Variants in POU6F2 observed in about 807,000 individuals in gnomAD.
The protein encoded by POU6F2 is POU domain, class 6, transcription factor 2.
A neutral mutation model predicts 71.3 loss-of-function variants in POU6F2; 31 were observed. The ratio of observed to expected loss-of-function variants is 0.43; its 90% CI spans 0.33 to 0.59. The LOEUF (loss-of-function observed/expected upper bound fraction) is 0.59. POU6F2 is among the 20% of genes least tolerant of loss of function. The probability of loss-of-function intolerance (pLI) is 0.04; values close to 1 mark genes in which losing one functional copy is unlikely to be tolerated. For missense variants in POU6F2, 783 were observed against 856.8 expected, an observed-to-expected ratio of 0.91 and a Z score of 1.07; for synonymous variants, 347 against 355.7, an observed-to-expected ratio of 0.98 and a Z score of 0.27.
At position 39,460,722 on chromosome 7, in the gene POU6F2, C is replaced by T. The variant is rs369272246; in HGVS notation, c.1658+7C>T. ...GCCAGTCGGCCATCTGCAGGTAACG[C>T]GCGCCTGCATGCTGTCACCTCTTCT... On this transcript the variant is annotated splice_region_variant and intron_variant, in intron 9 of 9. Coordinates refer to ENST00000518318, the MANE Select transcript of POU6F2 (RefSeq NM_001370959.1). This position sits in a 1 kb window ranked among gnomAD's most constrained non-coding sequence, Gnocchi z 4.4. 1.4e-4 allele frequency: 223 copies of T among 1,583,980 alleles called. No individual in the cohort carries two copies. The African/African-American group carries it at 2.7e-3, about 19-fold the overall frequency.
At chr7:39,071,824 A>G (rs1790887389) in intron 1 of POU6F2, among the ~76,000 whole-genome samples, 1 of 152,200 alleles carries the variant, frequency 6.6e-6, no homozygotes, top group Non-Finnish European at 1.5e-5. Flanking sequence ...CTATTTTTAT[A>G]TCAAAATTTG....
intron 5 of POU6F2, among the ~76,000 whole-genome samples, chr7:39,344,038 C>G (rs1420632535): frequency 6.6e-6 from 1 of 152,132 alleles, no homozygotes; most frequent in Non-Finnish European, 1.5e-5. Flanking sequence ...CTCAGAGAGT[C>G]ACTGCTATAA....
chr7:39,149,728 A>AGCC (rs952690604), intron 2 of POU6F2, among the ~76,000 whole-genome samples: 3 of 152,036 alleles, frequency 2.0e-5, no homozygotes, highest in Non-Finnish European at 4.4e-5. Context: ...TGTGTATTTG[A>AGCC]GCCCTTTATA....
chr7:39,269,076 T>G (rs1183399692), intron 4 of POU6F2, among the ~76,000 whole-genome samples: 1 of 152,222 alleles, frequency 6.6e-6, no homozygotes, highest in Non-Finnish European at 1.5e-5. Context: ...TTTTATTTCT[T>G]TTTTGTTATA....
intron 5 of POU6F2, among the ~76,000 whole-genome samples, chr7:39,372,611 A>G (rs1425912874): frequency 6.6e-6 from 1 of 152,178 alleles, no homozygotes; most frequent in African/African-American, 2.4e-5. Flanking sequence ...TATTCAGTCT[A>G]CCAACTTAAA....
At chr7:39,136,841 G>T (rs1378238005) in intron 2 of POU6F2, among the ~76,000 whole-genome samples, 1 of 149,240 alleles carries the variant, frequency 6.7e-6, no homozygotes, top group East Asian at 2.0e-4. Context: ...AAAAAAAAAA[G>T]CCAGGTGTGG....
chr7:39,109,828 T>G (rs1259007757), intron 2 of POU6F2, among the ~76,000 whole-genome samples: 3 of 152,204 alleles, frequency 2.0e-5, no homozygotes, highest in Non-Finnish European at 1.5e-5. Context: ...GTCTGGTAGA[T>G]CGAAGTAGCT....
intron 2 of POU6F2, among the ~76,000 whole-genome samples, chr7:39,189,831 A>G (rs1228956003): frequency 6.6e-6 from 1 of 152,130 alleles, no homozygotes; most frequent in East Asian, 1.9e-4. Flanking sequence ...CTCTTTCCAA[A>G]ATCACTGAAT....
At chr7:39,181,765 C>G (rs1793440343) in intron 2 of POU6F2, among the ~76,000 whole-genome samples, 1 of 152,164 alleles carries the variant, frequency 6.6e-6, no homozygotes, top group African/African-American at 2.4e-5. Context: ...GTCCTTCATT[C>G]CTTAGAAAAT....
chr7:39,090,122 A>G (rs1037989598), intron 2 of POU6F2, among the ~76,000 whole-genome samples: 1 of 152,044 alleles, frequency 6.6e-6, no homozygotes, highest in African/African-American at 2.4e-5. Context: ...ATTGCATGCA[A>G]TGATACTTGT....
intron 8 of POU6F2, among the ~76,000 whole-genome samples, chr7:39,456,655 G>A (rs780059638): frequency 4.6e-5 from 7 of 152,142 alleles, no homozygotes; most frequent in Non-Finnish European, 7.4e-5. Flanking sequence ...AACCCATGGA[G>A]CAAAACGGTA....
chr7:39,059,260 A>G (rs1163691615), intron 1 of POU6F2, among the ~76,000 whole-genome samples: 2 of 152,142 alleles, frequency 1.3e-5, no homozygotes, highest in Non-Finnish European at 2.9e-5. Context: ...TAATTAGGAA[A>G]GGAAAGTAAT....
At chr7:39,266,773 A>ATC (rs147655938) in intron 4 of POU6F2, among the ~76,000 whole-genome samples, 163 of 147,440 alleles carry the variant, frequency 1.1e-3, no homozygotes, top group Non-Finnish European at 2.2e-3. Flanking sequence ...TTTGATATAT[A>ATC]TATGTTGTAT....
intron 4 of POU6F2, among the ~76,000 whole-genome samples, chr7:39,232,067 T>C (rs902922080): frequency 6.6e-6 from 1 of 152,220 alleles, no homozygotes; most frequent in Non-Finnish European, 1.5e-5. Context: ...GCATTTCTTC[T>C]AGATAGAAAA....
chr7:39,442,581 A>C (rs1021745912), intron 7 of POU6F2, among the ~76,000 whole-genome samples: 19 of 152,212 alleles, frequency 1.2e-4, no homozygotes, highest in African/African-American at 4.1e-4. Context: ...TGGTTTATTT[A>C]TTTCACTATT....
chr7:39,243,476 C>T (rs1783762567), intron 4 of POU6F2, among the ~76,000 whole-genome samples: 1 of 151,970 alleles, frequency 6.6e-6, no homozygotes, highest in South Asian at 2.1e-4. Flanking sequence ...ACAATTATGC[C>T]CTGCCAGGGT....
intron 2 of POU6F2, among the ~76,000 whole-genome samples, chr7:39,102,801 T>A (rs1357295720): frequency 6.6e-6 from 1 of 152,234 alleles, no homozygotes; most frequent in African/African-American, 2.4e-5. Context: ...TGGAGCCTAC[T>A]ACACACTTAG....
At chr7:39,130,913 T>C (rs36052669) in intron 2 of POU6F2, among the ~76,000 whole-genome samples, 37,201 of 152,186 alleles carry the variant, frequency 0.24, 5,247 homozygotes, top group East Asian at 0.56. Flanking sequence ...CACCTGCTGC[T>C]ACGGGCGCCG....
intron 4 of POU6F2, among the ~76,000 whole-genome samples, chr7:39,319,966 A>G (rs1785350812): frequency 6.6e-6 from 1 of 152,202 alleles, no homozygotes; most frequent in African/African-American, 2.4e-5. Context: ...TCAGCAATGC[A>G]CTATAGTGTC....
Sources: gnomAD v4.1 joint callset for allele counts (sites outside exome capture counted in the v4.1 genomes callset) on GRCh38, gnomAD v4.1.1 for gene constraint, Gnocchi (gnomAD v3.1) non-coding constraint, MANE v1.5 for transcripts, NCBI Gene and HGNC (gene_info 2026-07-23, HGNC 2026-07-21) for gene names.